SLC16A1: variants seen among roughly 807,000 people sequenced by gnomAD.
SLC16A1 encodes the protein monocarboxylate transporter 1.
Under a neutral mutation model 32.2 loss-of-function variants are expected in SLC16A1, and 11 were observed. That is an observed-to-expected ratio of 0.34 (90% CI 0.21 to 0.56). SLC16A1 has a LOEUF of 0.56. Ranked by LOEUF, SLC16A1 falls within the 20% of genes least tolerant of loss-of-function variation. The pLI, the probability that SLC16A1 is intolerant of heterozygous loss-of-function variation, is 0.87. For missense variants in SLC16A1, 435 were observed against 615.0 expected (o/e 0.71, Z 3.10); for synonymous variants, 231 against 226.8 (o/e 1.02, Z -0.17).
intron 1 of SLC16A1, among the ~76,000 whole-genome samples, chr1:112,935,378 C>T (rs1160213758): frequency 6.6e-6 from 1 of 152,012 alleles, no homozygotes; most frequent in African/African-American, 2.4e-5. Flanking sequence ...TACTGTACTA[C>T]AGCCTGGTGA....
In SLC16A1 at chr1:112,914,081, A is replaced by C. The variant is rs1415990537; in HGVS notation, c.1313T>G (p.Phe438Cys). 1 of 1,614,206 alleles carries C rather than the reference A, an allele frequency of 6.2e-7. No homozygotes were observed. Among genetic ancestry groups the C allele is most frequent in the Admixed American group, 1.7e-5 (1 of 60,022 alleles). ...TCGATAATTGATGCCCATGCCAATG[A>C]AGAGATAGATACCTGAAATAATTAG... ...VVLIISGIYL[F>C]IGMGINYRLL... Residue 438 changes from phenylalanine (F) to cysteine (C), a missense_variant, in exon 5 of 5, where the codon TTC becomes TGC. Around this residue, in one of 2 missense-constraint regions of SLC16A1, gnomAD observed 111 missense variants for 114.7 expected, o/e 0.97. Coordinates refer to ENST00000369626, the MANE Select transcript of SLC16A1 (RefSeq NM_003051.4).
chr1:112,914,271 TAA>T (rs1024935817), intron 4 of SLC16A1, 106 bp from the exon 5 acceptor site: 112 of 1,198,698 alleles, frequency 9.3e-5, no homozygotes, highest in Non-Finnish European at 1.3e-4. Flanking sequence ...ATCCAATCTT[TAA>T]AGAGTCCCAA....
At chr1:112,950,534 CA>C (rs1316841945) in intron 1 of SLC16A1, among the ~76,000 whole-genome samples, 5 of 152,224 alleles carry the variant, frequency 3.3e-5, no homozygotes, top group African/African-American at 1.2e-4. Flanking sequence ...TCAACAATAT[CA>C]TGAGTTGTGA....
rs935019212 is a variant in SLC16A1 at position 112,951,634 on chromosome 1, T to C, written c.-45+4401A>G. Among the ~76,000 whole-genome samples the C allele has an allele frequency of 5.3e-5, 8 of 152,270 alleles. No individual in the cohort carries two copies. The East Asian group carries it at 5.8e-4, about 11-fold the overall frequency. The stretch of plus-strand genomic sequence containing the variant: ...CAGCAAAGTCCTCCAAGAAAGAGCA[T>C]GAAAGACCAAAAGAAACGCCATAAA... On this transcript the variant is annotated intron_variant, in intron 1 of 4. Transcript: ENST00000369626.
intron 4 of SLC16A1, among the ~76,000 whole-genome samples, chr1:112,914,623 C>T (rs1648439156): frequency 6.6e-6 from 1 of 152,224 alleles, no homozygotes; most frequent in South Asian, 2.1e-4. Flanking sequence ...CAATATCTTA[C>T]ACCCATTCTA....
At chr1:112,916,034 CA>C (rs924470498) in intron 4 of SLC16A1, among the ~76,000 whole-genome samples, 1 of 152,080 alleles carries the variant, frequency 6.6e-6, no homozygotes, top group African/African-American at 2.4e-5. Context: ...TGTTCACTTA[CA>C]AAATGGGGAC....
At chr1:112,915,011 T>C (rs1265856520) in intron 4 of SLC16A1, among the ~76,000 whole-genome samples, 1 of 152,252 alleles carries the variant, frequency 6.6e-6, no homozygotes, top group African/African-American at 2.4e-5. Context: ...AATTCTACTC[T>C]ATGCTTAAAC....
intron 1 of SLC16A1, among the ~76,000 whole-genome samples, chr1:112,934,916 G>A (rs1427469224): frequency 2.0e-5 from 3 of 152,122 alleles, no homozygotes; most frequent in South Asian, 2.1e-4. Context: ...CCAATTAACC[G>A]TGAGCAAACG....
chr1:112,928,596 T>C (rs1179779141), intron 2 of SLC16A1, among the ~76,000 whole-genome samples: 1 of 152,202 alleles, frequency 6.6e-6, no homozygotes, highest in Non-Finnish European at 1.5e-5. Flanking sequence ...GCTGAAATGC[T>C]TTTAGGACTC....
intron 2 of SLC16A1, chr1:112,924,007 T>C: frequency 4.3e-6 from 6 of 1,392,564 alleles, no homozygotes; most frequent in East Asian, 2.3e-5. Flanking sequence ...AAACAGCCCA[T>C]GGGCCGCTTC....
chr1:112,937,766 T>C (rs1246451963), intron 1 of SLC16A1, among the ~76,000 whole-genome samples: 1 of 143,666 alleles, frequency 7.0e-6, no homozygotes, highest in African/African-American at 3.0e-5. Context: ...ATATGCACAG[T>C]AGCTTTCCTA....
At chr1:112,925,024 TG>T (rs1270169094) in intron 2 of SLC16A1, among the ~76,000 whole-genome samples, 1 of 152,128 alleles carries the variant, frequency 6.6e-6, no homozygotes, top group Non-Finnish European at 1.5e-5. Context: ...ACAACGTGGG[TG>T]TAACAACTCA....
chr1:112,917,382 C>T lies in SLC16A1; in HGVS notation c.1024G>A (p.Val342Met), dbSNP rs901066357. 1.2e-6 allele frequency: 2 copies of T among 1,614,110 alleles called. No individual in the cohort carries two copies. Among genetic ancestry groups the T allele is most frequent in the African/African-American group, 2.7e-5 (2 of 74,932 alleles). The change falls in exon 4 of 5, where the codon GTG (valine) becomes ATG (methionine). Residue 342 changes from valine (V) to methionine (M), a missense_variant. Physicochemically the swap from Val to Met is conservative, Grantham distance 21. Around this residue, in one of 2 missense-constraint regions of SLC16A1, gnomAD observed 324 missense variants for 500.3 expected, o/e 0.65. Transcript: ENST00000369626. This position sits in a 1 kb window ranked among gnomAD's most constrained non-coding sequence, Gnocchi z 4.1. ...GATAAAGGTGCTAGCATATGACACACTCCATTTGCAACAACGGAAGCCGCA... is the reference window on the plus strand; with the variant it reads ...GATAAAGGTGCTAGCATATGACACATTCCATTTGCAACAACGGAAGCCGCA... ...FFAASVVANG[V>M]CHMLAPLSTT...
chr1:112,915,321 A>G (rs1648462705), intron 4 of SLC16A1, among the ~76,000 whole-genome samples: 1 of 152,144 alleles, frequency 6.6e-6, no homozygotes. Context: ...GAGAAAGGAG[A>G]TGGGAATTAG....
intron 1 of SLC16A1, among the ~76,000 whole-genome samples, chr1:112,955,020 ATAGTAAGTTACAGTAAATAAAGTAGCT>A (rs1462239696): frequency 3.3e-5 from 5 of 152,230 alleles, no homozygotes; most frequent in Non-Finnish European, 7.3e-5. Context: ...AAAACAAGTT[ATAGTAAGTTACAGTAAATAAAGTAGCT>A]TAGTAAGTTA....
At chr1:112,951,545 T>C (rs1017297512) in intron 1 of SLC16A1, among the ~76,000 whole-genome samples, 11 of 152,206 alleles carry the variant, frequency 7.2e-5, no homozygotes, top group Non-Finnish European at 1.6e-4. Context: ...TCTGGAATCC[T>C]TTTATAGCTA....
Position 112,917,518 on chromosome 1 carries a change from C to A in SLC16A1, c.888G>T (p.Glu296Asp). 6.2e-7 allele frequency: 1 copy of A among 1,614,206 alleles called. No homozygotes were observed. Among genetic ancestry groups the A allele is most frequent in the Non-Finnish European group, 8.5e-7 (1 of 1,180,034 alleles). The change falls in exon 4 of 5, where the codon GAG becomes GAT. Residue 296 changes from glutamate to aspartate, a missense_variant. Transcript: ENST00000369626. This position sits in a 1 kb window ranked among gnomAD's most constrained non-coding sequence, Gnocchi z 4.1. Reference sequence around the variant, plus strand: ...GAATGGAAAGAAGGAAGGCAGACTTCTCACTAGAATAATGCTGACTCTTCC... The same window carrying A: ...GAATGGAAAGAAGGAAGGCAGACTTATCACTAGAATAATGCTGACTCTTCC... ...SYGKSQHYSS[E>D]KSAFLLSILA...
chr1:112,921,305 A>G (rs914655041), intron 3 of SLC16A1, among the ~76,000 whole-genome samples: 1 of 152,310 alleles, frequency 6.6e-6, no homozygotes, highest in South Asian at 2.1e-4. Context: ...AAGTGAGTAT[A>G]ACTTTTTTGG....
rs763641576 is a variant in SLC16A1, at chr1:112,914,163, G to T, written c.1231C>A (p.Arg411=). 1.2e-6 allele frequency: 2 copies of T among 1,613,882 alleles called. No individual in the cohort carries two copies. The highest frequency in any genetic ancestry group is 1.3e-5 in the African/African-American group (1 of 74,894). ...PVLLGPPLLG[R]LNDMYGDYKY... ...TAGTCTCCATACATGTCATTGAGCCGACCTAAATATGTAAAACAACACAAA... is the reference window on the plus strand; with the variant it reads ...TAGTCTCCATACATGTCATTGAGCCTACCTAAATATGTAAAACAACACAAA... The change falls in exon 5 of 5, where the codon CGG becomes AGG. Residue 411 remains arginine, a splice_region_variant and synonymous_variant. Transcript: ENST00000369626.
Sources: gnomAD v4.1 joint callset for allele counts (sites outside exome capture counted in the v4.1 genomes callset) on GRCh38, gnomAD v4.1.1 for gene constraint, gnomAD v4.1.1 regional missense constraint, Gnocchi (gnomAD v3.1) non-coding constraint, MANE v1.5 for transcripts, NCBI Gene and HGNC (gene_info 2026-07-23, HGNC 2026-07-21) for gene names.